The following PCLAF variants were observed in gnomAD, a reference collection of about 807,000 sequenced individuals.
The protein encoded by PCLAF is PCNA clamp associated factor.
PCLAF carries 12 observed loss-of-function variants against 15.1 expected under a neutral mutation model. The observed-to-expected ratio is 0.79, with a 90% CI of 0.51 to 1.29. The LOEUF (loss-of-function observed/expected upper bound fraction) is 1.29. Ranked by LOEUF, PCLAF falls within the 50% of genes most tolerant of loss-of-function variation. PCLAF has a pLI of 0.00. For synonymous variants in PCLAF, 33 were observed against 47.1 expected (o/e 0.70, Z 1.22); for missense variants, 116 against 130.9 (o/e 0.89, Z 0.56).
upstream of PCLAF, chr15:64,381,479 T>C: frequency 1.2e-6 from 2 of 1,601,244 alleles, no homozygotes; most frequent in Non-Finnish European, 1.7e-6. Flanking sequence ...TATTGGTCTC[T>C]TTCCCGCGCG....
At chr15:64,383,033 G>A (rs1899864013), upstream of PCLAF, 1 of 160,128 alleles carries the variant, frequency 6.2e-6, no homozygotes, top group African/African-American at 2.4e-5. Context: ...AACTTGCTTT[G>A]GGATGTATTC....
At chr15:64,378,132 A>G (rs1349393280) in intron 2 of PCLAF, among the ~76,000 whole-genome samples, 1 of 151,990 alleles carries the variant, frequency 6.6e-6, no homozygotes, top group Non-Finnish European at 1.5e-5. Flanking sequence ...GGGTTTCACC[A>G]TGCTAGGATG....
At chr15:64,368,622 C>G (rs560443192) in intron 3 of PCLAF, among the ~76,000 whole-genome samples, 1 of 152,030 alleles carries the variant, frequency 6.6e-6, no homozygotes, top group African/African-American at 2.4e-5. Flanking sequence ...ATAAATCCTT[C>G]TAATAAACTC....
chr15:64,378,693 A>G (rs1899716557), intron 2 of PCLAF, among the ~76,000 whole-genome samples: 1 of 152,206 alleles, frequency 6.6e-6, no homozygotes, highest in East Asian at 1.9e-4. Flanking sequence ...CAGTTGGATC[A>G]TGAGGTCAGG....
In PCLAF at chr15:64,387,671, A is replaced by C; in HGVS notation, n.17T>G. 2.1e-6 allele frequency: 3 copies of C among 1,407,948 alleles called. No individual in the cohort carries two copies. In the Admixed American group the frequency reaches 8.6e-5, roughly 40 times the overall value. The allele number at this position is 1,407,948 out of a possible 1,614,324, so 87.2% of individuals were successfully genotyped here. A position where few individuals can be genotyped will look rare whatever the true frequency, so the allele number is the denominator to read the frequency against. On this transcript the variant is annotated non_coding_transcript_exon_variant, in exon 1 of 2. Coordinates refer to the PCLAF transcript ENST00000558250. Reference sequence around the variant, plus strand: ...CTGACAGAGCTCGACTCCGGAGGGCACAAGGAAGTAGACAACAAAGCAGGA... The same window carrying C: ...CTGACAGAGCTCGACTCCGGAGGGCCCAAGGAAGTAGACAACAAAGCAGGA...
chr15:64,383,143 T>C (rs1473194210), upstream of PCLAF, among the ~76,000 whole-genome samples: 2 of 152,200 alleles, frequency 1.3e-5, no homozygotes, highest in African/African-American at 4.8e-5. Context: ...CTCAGTACTT[T>C]AACAGAATCA....
intron 1 of PCLAF, among the ~76,000 whole-genome samples, chr15:64,386,619 AGTGTGTGTGTGTGT>A (rs35727456): frequency 1.5e-4 from 22 of 146,314 alleles, no homozygotes; most frequent in Non-Finnish European, 2.3e-4. Context: ...CACCACGCCC[AGTGTGTGTGTGTGT>A]GTGTGTGTGT....
At chr15:64,381,499 C>G, upstream of PCLAF, 1 of 1,570,390 alleles carries the variant, frequency 6.4e-7, no homozygotes, top group Non-Finnish European at 8.6e-7. Flanking sequence ...GCTCCAAGGT[C>G]TCTCCCGAGC....
chr15:64,380,911 T>C, intron 2 of PCLAF, 47 bp downstream of exon 2: 1 of 1,511,936 alleles, frequency 6.6e-7, no homozygotes, highest in East Asian at 2.3e-5. Context: ...GCCAGGGGCT[T>C]GCAGGTGCCA....
chr15:64,373,535 A>G (rs1400284748), intron 3 of PCLAF: 3 of 1,247,446 alleles, frequency 2.4e-6, no homozygotes, highest in Non-Finnish European at 3.1e-6. Context: ...CAAGACCACA[A>G]GGAGACCGGC....
chr15:64,366,379 G>C (rs1437769444), intron 3 of PCLAF, among the ~76,000 whole-genome samples: 1 of 152,112 alleles, frequency 6.6e-6, no homozygotes, highest in Non-Finnish European at 1.5e-5. Context: ...ATTTCAACAT[G>C]TTATTAAATG....
At position 64,364,709 on chromosome 15, in the gene PCLAF, CATT is replaced by C. The variant is rs1460357383; in HGVS notation, c.*1318_*1320del. ...TTTCTTTCTTTTTTTTTTTTTAAGA[CATT>C]GTCTCACTCTGTTGTTCAGGCTGGA... On this transcript the variant is annotated 3_prime_UTR_variant, in exon 4 of 4. Transcript: ENST00000300035. The C allele has an allele frequency of 7.0e-6, 1 of 143,518 alleles. No individual in the cohort carries two copies. The highest frequency in any genetic ancestry group is 2.6e-5 in the African/African-American group (1 of 38,682). The allele number at this position is 143,518 out of a possible 1,614,324, so 8.9% of individuals were successfully genotyped here.
rs1251864673 is a variant in PCLAF, at chr15:64,380,983, A to G, written c.102T>C (p.Asn34=). 2 of 1,613,980 alleles carry G rather than the reference A, an allele frequency of 1.2e-6. No homozygotes were observed. Among genetic ancestry groups the G allele is most frequent in the African/African-American group, 1.3e-5 (1 of 74,918 alleles). Residue 34 remains asparagine (N), a synonymous_variant, in exon 2 of 4, where the codon AAT becomes AAC. Transcript: ENST00000300035. ...CTTTCCTCGATGAAACTGATGTCGA[A>G]TTAGTGGCAGAGGTGGAAGAACCAA... ...KVLGSSTSAT[N]STSVSSRKAE...
In PCLAF at chr15:64,364,552, A is replaced by C. The variant is rs1356708494; in HGVS notation, c.*1478T>G. On this transcript the variant is annotated 3_prime_UTR_variant, in exon 4 of 4. Transcript: ENST00000300035. The stretch of plus-strand genomic sequence containing the variant: ...TATATTGACTTCCAACTTTAAAATT[A>C]TATTTTATGATAGCGAATCAAATGC... The C allele has an allele frequency of 2.0e-5, 3 of 152,120 alleles. No homozygotes were observed. Among genetic ancestry groups the C allele is most frequent in the Non-Finnish European group, 4.4e-5 (3 of 68,022 alleles). The allele number at this position is 152,120 out of a possible 1,614,324, so 9.4% of individuals were successfully genotyped here. A position where few individuals can be genotyped will look rare whatever the true frequency, so the allele number is the denominator to read the frequency against.
chr15:64,379,954 C>CA (rs66529552), intron 2 of PCLAF, among the ~76,000 whole-genome samples: 121,188 of 151,666 alleles, frequency 0.8, 49,357 homozygotes, highest in East Asian at 0.95. Context: ...CAAACAAAAA[C>CA]AAAAACATTT....
At chr15:64,377,491 ATATATATATATATATATATATATAT>A (rs1899655335) in intron 2 of PCLAF, among the ~76,000 whole-genome samples, 1 of 18,398 alleles carries the variant, frequency 5.4e-5, no homozygotes, top group African/African-American at 2.1e-4. Flanking sequence ...AAAAAAAAAT[ATATATATATATATATATATATATAT>A]ATATATATAT....
intron 2 of PCLAF, among the ~76,000 whole-genome samples, chr15:64,380,548 A>T (rs1308118984): frequency 1.3e-5 from 2 of 151,902 alleles, no homozygotes; most frequent in East Asian, 3.9e-4. Context: ...TACAAAAAAT[A>T]GAAAAAAAAG....
intron 3 of PCLAF, among the ~76,000 whole-genome samples, chr15:64,368,757 T>A (rs1007571742): frequency 6.7e-6 from 1 of 148,392 alleles, no homozygotes; most frequent in Non-Finnish European, 1.5e-5. Flanking sequence ...TATAATACCA[T>A]GGATTAAAGT....
At chr15:64,366,102 A>C (rs759659334) in intron 3 of PCLAF, 27 bp from the exon 4 acceptor site, 2 of 1,578,302 alleles carry the variant, frequency 1.3e-6, no homozygotes, top group South Asian at 2.3e-5. Context: ...GAACATCAAT[A>C]GCCATCCAAG....
Sources: allele counts gnomAD v4.1 joint callset (sites outside exome capture counted in the v4.1 genomes callset), GRCh38; gene constraint gnomAD v4.1.1; transcripts MANE v1.5; gene names NCBI Gene and HGNC (gene_info 2026-07-23, HGNC 2026-07-21).